The following MCU variants were observed in gnomAD, a reference collection of about 807,000 sequenced individuals.
The protein encoded by MCU is mitochondrial calcium uniporter, also known as calcium uniporter protein, mitochondrial.
A neutral mutation model predicts 45.2 loss-of-function variants in MCU; 12 were observed. That is an observed-to-expected ratio of 0.27 (90% confidence interval 0.17 to 0.43). The LOEUF is 0.43. Among genes scored for constraint, MCU ranks in the 20% least tolerant of loss-of-function variants. The probability of loss-of-function intolerance (pLI) is 1.00; values close to 1 mark genes in which losing one functional copy is unlikely to be tolerated. For synonymous variants in MCU, 160 were observed against 165.1 expected (o/e 0.97, Z 0.24); for missense variants, 324 against 436.7 (o/e 0.74, Z 2.30).
At chr10:72,721,682 A>G (rs1843024194) in intron 1 of MCU, among the ~76,000 whole-genome samples, 1 of 152,166 alleles carries the variant, frequency 6.6e-6, no homozygotes, top group African/African-American at 2.4e-5. Context: ...AAGGTCTTCC[A>G]TGATCTCCTT....
chr10:72,848,809 G>C (rs569919753), intron 2 of MCU, among the ~76,000 whole-genome samples: 2 of 152,054 alleles, frequency 1.3e-5, no homozygotes, highest in East Asian at 3.9e-4. Flanking sequence ...CCAACTTCAG[G>C]ATAGTGGCTT....
At chr10:72,756,230 T>A (rs1336262242) in intron 1 of MCU, among the ~76,000 whole-genome samples, 1 of 152,132 alleles carries the variant, frequency 6.6e-6, no homozygotes, top group African/African-American at 2.4e-5. Context: ...CAAGCAATCT[T>A]CCTGCCTCAG....
intron 1 of MCU, among the ~76,000 whole-genome samples, chr10:72,694,176 AT>A (rs1368342938): frequency 6.6e-6 from 1 of 152,220 alleles, no homozygotes; most frequent in Non-Finnish European, 1.5e-5. Context: ...GAATTGTAAG[AT>A]TTTGAAAAAA....
At position 72,696,119 on chromosome 10, in the gene MCU, G is replaced by A. The variant is rs1355829502; in HGVS notation, c.150+3818G>A. On this transcript the variant is annotated intron_variant, in intron 1 of 7. Transcript: ENST00000373053. ...GGAGGTTGTAGTGAGCCAAGATCAT[G>A]CCACTGCACTCCAGCCTGGGCGAAA... Among the ~76,000 whole-genome samples the A allele has an allele frequency of 3.3e-5, 4 of 121,672 alleles. 1 individual carries two copies. Among genetic ancestry groups the A allele is most frequent in the Non-Finnish European group, 6.3e-5 (4 of 63,016 alleles). The allele number at this position is 121,672 out of a possible 152,430, so 79.8% of individuals were successfully genotyped here. A position where few individuals can be genotyped will look rare whatever the true frequency, so the allele number is the denominator to read the frequency against.
chr10:72,758,417 A>G (rs1046682841), intron 1 of MCU, among the ~76,000 whole-genome samples: 1 of 152,228 alleles, frequency 6.6e-6, no homozygotes, highest in Non-Finnish European at 1.5e-5. Flanking sequence ...CCTCTGTGCT[A>G]TATCATGTCC....
At chr10:72,825,724 A>AC (rs1290413061) in intron 1 of MCU, among the ~76,000 whole-genome samples, 3 of 152,168 alleles carry the variant, frequency 2.0e-5, no homozygotes, top group African/African-American at 7.2e-5. Flanking sequence ...TTACTCTATC[A>AC]CGTATGGTTG....
chr10:72,727,109 C>G (rs1350125432), intron 1 of MCU, among the ~76,000 whole-genome samples: 7 of 152,110 alleles, frequency 4.6e-5, no homozygotes, highest in Non-Finnish European at 1.0e-4. Flanking sequence ...CACTTGGTTG[C>G]AAGAGGATTA....
chr10:72,743,969 T>G (rs545287471), intron 1 of MCU, among the ~76,000 whole-genome samples: 1 of 151,972 alleles, frequency 6.6e-6, no homozygotes, highest in Non-Finnish European at 1.5e-5. Context: ...GTTTTGTAGG[T>G]TATGCTGTAG....
At chr10:72,868,046 CCT>C (rs1845484748) in intron 4 of MCU, among the ~76,000 whole-genome samples, 1 of 151,884 alleles carries the variant, frequency 6.6e-6, no homozygotes, top group Admixed American at 6.6e-5. Context: ...TGATTCTAAA[CCT>C]CTCTACTAGT....
intron 1 of MCU, chr10:72,693,144 G>A (rs1052468623): frequency 6.3e-6 from 9 of 1,426,704 alleles, no homozygotes; most frequent in Non-Finnish European, 8.6e-6. Flanking sequence ...GGCAGAAAAA[G>A]AGGATTTCTG....
At position 72,859,298 on chromosome 10, in the gene MCU, A is replaced by G. The variant is rs575231925; in HGVS notation, c.342A>G (p.Gln114=). 1.2e-5 allele frequency: 20 copies of G among 1,613,854 alleles called. No homozygotes were observed. In the African/African-American group the frequency reaches 2.0e-4, roughly 16 times the overall value. ...ISDSVGVFLR[Q]LQEEDRGIDR... is the part of the protein sequence containing the mutation. ...ACTCTGTTGGTGTATTTTTACGACA[A>G]CTGCAAGAAGAGGATCGGGGAATTG... is the stretch of plus-strand genomic sequence containing the variant. The change falls in exon 3 of 8, where the codon CAA becomes CAG. Residue 114 remains glutamine, a synonymous_variant. Transcript: ENST00000373053.
chr10:72,884,467 G>T, intron 7 of MCU, 85 bp downstream of exon 7: 1 of 752,862 alleles, frequency 1.3e-6, no homozygotes, highest in South Asian at 1.6e-5. Flanking sequence ...CTTCAAATGA[G>T]TAAACTGAAG....
intron 1 of MCU, among the ~76,000 whole-genome samples, chr10:72,734,743 A>C (rs1278995438): frequency 6.6e-6 from 1 of 151,920 alleles, no homozygotes; most frequent in Non-Finnish European, 1.5e-5. Context: ...CCTCCCAAGT[A>C]GCTAGGACCA....
At chr10:72,861,727 C>T (rs1477823849) in intron 4 of MCU, 4 of 361,226 alleles carry the variant, frequency 1.1e-5, no homozygotes, top group Non-Finnish European at 2.1e-5. Context: ...GAACTCCTGA[C>T]CTCAAGTTAT....
chr10:72,819,636 A>T (rs1336082715), intron 1 of MCU, among the ~76,000 whole-genome samples: 1 of 150,954 alleles, frequency 6.6e-6, no homozygotes, highest in Admixed American at 6.6e-5. Context: ...TATTTTGAAA[A>T]TTTTCAAATC....
chr10:72,761,977 CTATTT>C (rs1464902481), intron 1 of MCU, among the ~76,000 whole-genome samples: 1 of 152,106 alleles, frequency 6.6e-6, no homozygotes, highest in African/African-American at 2.4e-5. Context: ...CTTTTAAGAA[CTATTT>C]TATTTATCCA....
At chr10:72,798,877 T>C (rs766325581) in intron 1 of MCU, among the ~76,000 whole-genome samples, 1 of 152,204 alleles carries the variant, frequency 6.6e-6, no homozygotes, top group Non-Finnish European at 1.5e-5. Flanking sequence ...ATAACTTAAT[T>C]TTTATACCTA....
chr10:72,744,924 T>A (rs1843392595), intron 1 of MCU, among the ~76,000 whole-genome samples: 1 of 152,206 alleles, frequency 6.6e-6, no homozygotes, highest in Non-Finnish European at 1.5e-5. Flanking sequence ...ATGTTTAGTA[T>A]AAGATAGAGG....
chr10:72,764,982 T>C (rs1843704093), intron 1 of MCU, among the ~76,000 whole-genome samples: 1 of 151,756 alleles, frequency 6.6e-6, no homozygotes, highest in South Asian at 2.1e-4. Flanking sequence ...CCGGGAGTAA[T>C]GGCTTGTGCC....
Sources: allele counts gnomAD v4.1 joint callset (sites outside exome capture counted in the v4.1 genomes callset), GRCh38; gene constraint gnomAD v4.1.1; transcripts MANE v1.5; gene names NCBI Gene and HGNC (gene_info 2026-07-23, HGNC 2026-07-21).